MACROD2: variants seen among roughly 807,000 people sequenced by gnomAD.
The protein encoded by MACROD2 is mono-ADP ribosylhydrolase 2, also known as ADP-ribose glycohydrolase MACROD2.
Under a neutral mutation model 70.4 loss-of-function variants are expected in MACROD2, and 36 were observed. The observed-to-expected ratio is 0.51, with a 90% CI of 0.39 to 0.68. MACROD2 has a LOEUF of 0.68. Among genes scored for constraint, MACROD2 ranks in the 30% least tolerant of loss-of-function variants. The pLI, the probability that MACROD2 is intolerant of heterozygous loss-of-function variation, is 0.00. For missense variants in MACROD2, 496 were observed against 538.4 expected (o/e 0.92, Z 0.78); for synonymous variants, 172 against 178.8 (o/e 0.96, Z 0.30).
chr20:14,118,894 G>T (rs1382660296), intron 3 of MACROD2, among the ~76,000 whole-genome samples: 1 of 142,736 alleles, frequency 7.0e-6, no homozygotes. Flanking sequence ...TACCCAGATT[G>T]GAGTGCAATG....
chr20:15,898,927 G>A (rs1009869269), intron 10 of MACROD2, among the ~76,000 whole-genome samples: 2 of 151,346 alleles, frequency 1.3e-5, no homozygotes, highest in Non-Finnish European at 2.9e-5. Context: ...CATATAGTAT[G>A]TATATGTGTA....
rs189082180 is a variant in MACROD2, at chr20:14,615,176, A to G, written c.302-69667A>G. On this transcript the variant is annotated intron_variant, in intron 4 of 17. Transcript: ENST00000684519. ...CAGGGGGCCAGGTTTTTATTCCTGC[A>G]TATTGATCAGTGCTTGGATACAGCT... is the stretch of plus-strand genomic sequence containing the variant. Among the ~76,000 whole-genome samples the G allele has an allele frequency of 5.0e-4, 76 of 152,240 alleles. 1 individual carries two copies. The highest frequency in any genetic ancestry group is 1.7e-3 in the African/African-American group (72 of 41,566).
At chr20:15,218,945 C>G (rs1179106332) in intron 5 of MACROD2, among the ~76,000 whole-genome samples, 9 of 151,966 alleles carry the variant, frequency 5.9e-5, no homozygotes, top group Admixed American at 1.3e-4. Flanking sequence ...ACTCAGGAGG[C>G]TGAGGCAGGA....
At chr20:14,632,045 G>C (rs568941759) in intron 4 of MACROD2, 1 of 151,596 alleles carries the variant, frequency 6.6e-6, no homozygotes, top group African/African-American at 2.4e-5. Context: ...GCTATTCCCT[G>C]AGATTCAGAA....
chr20:14,998,936 A>G (rs912796413), intron 5 of MACROD2, among the ~76,000 whole-genome samples: 2 of 152,260 alleles, frequency 1.3e-5, no homozygotes, highest in African/African-American at 4.8e-5. Flanking sequence ...CTGGCAGCAG[A>G]CTTCTCAATG....
chr20:15,926,713 G>T (rs981253727), intron 10 of MACROD2, among the ~76,000 whole-genome samples: 30 of 152,190 alleles, frequency 2.0e-4, no homozygotes, highest in African/African-American at 6.8e-4. Flanking sequence ...CAATGCAAAG[G>T]CCTGGGGAGA....
chr20:15,452,785 A>G (rs536044220), intron 7 of MACROD2, among the ~76,000 whole-genome samples: 2 of 152,318 alleles, frequency 1.3e-5, no homozygotes, highest in African/African-American at 2.4e-5. Flanking sequence ...TTCAGACTGT[A>G]TAACTGAATA....
At chr20:14,290,507 ATTTT>A (rs11350359) in intron 3 of MACROD2, among the ~76,000 whole-genome samples, 3 of 133,172 alleles carry the variant, frequency 2.3e-5, no homozygotes. Flanking sequence ...AGGTAGCTGT[ATTTT>A]TTTTTTTTTT....
At chr20:16,041,457 A>C (rs2067306622) in intron 16 of MACROD2, among the ~76,000 whole-genome samples, 179 bp downstream of exon 16, 1 of 152,026 alleles carries the variant, frequency 6.6e-6, no homozygotes. Context: ...TTATTTAAAA[A>C]AAAAACCTGT....
chr20:16,007,291 G>A (rs1055001769), intron 15 of MACROD2, among the ~76,000 whole-genome samples: 2 of 152,172 alleles, frequency 1.3e-5, no homozygotes, highest in Non-Finnish European at 2.9e-5. Context: ...AATACGGTAG[G>A]CCTAAAGAAA....
At chr20:15,643,838 T>C (rs1477877464) in intron 8 of MACROD2, among the ~76,000 whole-genome samples, 1 of 152,192 alleles carries the variant, frequency 6.6e-6, no homozygotes, top group Non-Finnish European at 1.5e-5. Context: ...CATTTATGTT[T>C]CATTCATATA....
At chr20:15,478,554 TG>T (rs2047053311) in intron 7 of MACROD2, among the ~76,000 whole-genome samples, 2 of 4,612 alleles carry the variant, frequency 4.3e-4, no homozygotes, top group African/African-American at 4.4e-3. Context: ...TGTGTGTGTC[TG>T]TGTGTGTGTG....
intron 5 of MACROD2, among the ~76,000 whole-genome samples, chr20:14,832,961 C>T (rs1600708508): frequency 6.6e-6 from 1 of 152,176 alleles, no homozygotes; most frequent in East Asian, 1.9e-4. Context: ...CTCAAACCTG[C>T]CTATCTAAGT....
intron 5 of MACROD2, among the ~76,000 whole-genome samples, chr20:14,930,766 TA>T (rs11474347): frequency 0.36 from 25,355 of 70,698 alleles, 3,521 homozygotes; most frequent in East Asian, 0.43. Context: ...GAGCGTGTCT[TA>T]AAAAAAAAAA....
intron 3 of MACROD2, among the ~76,000 whole-genome samples, chr20:14,277,031 A>G (rs909416145): frequency 6.6e-6 from 1 of 152,128 alleles, no homozygotes; most frequent in Non-Finnish European, 1.5e-5. Flanking sequence ...AAGAGTTACA[A>G]TTGGCTGGGC....
intron 7 of MACROD2, among the ~76,000 whole-genome samples, chr20:15,477,076 TC>T (rs1413124327): frequency 1.3e-4 from 19 of 150,626 alleles, no homozygotes; most frequent in African/African-American, 4.1e-4. Flanking sequence ...GCTCCCCTTT[TC>T]CATTCCTTTT....
At chr20:15,731,797 C>G (rs2146951188) in intron 8 of MACROD2, among the ~76,000 whole-genome samples, 2 of 54,124 alleles carry the variant, frequency 3.7e-5, no homozygotes, top group East Asian at 5.6e-4. Context: ...CTCTTGTTGC[C>G]CAGGCTGGAG....
chr20:15,784,461 C>T (rs1406324481), intron 8 of MACROD2, among the ~76,000 whole-genome samples: 1 of 151,984 alleles, frequency 6.6e-6, no homozygotes, highest in East Asian at 1.9e-4. Flanking sequence ...CATATTTGGC[C>T]CCTAATAGCT....
intron 4 of MACROD2, among the ~76,000 whole-genome samples, chr20:14,542,817 T>A (rs2085449990): frequency 6.6e-6 from 1 of 152,154 alleles, no homozygotes; most frequent in Non-Finnish European, 1.5e-5. Flanking sequence ...TAATTGAAAA[T>A]TTTATAATAG....
Sources: gnomAD v4.1 joint callset for allele counts (sites outside exome capture counted in the v4.1 genomes callset) on GRCh38, gnomAD v4.1.1 for gene constraint, MANE v1.5 for transcripts, NCBI Gene and HGNC (gene_info 2026-07-23, HGNC 2026-07-21) for gene names.